The following ATP11B variants were observed in gnomAD, a reference collection of about 807,000 sequenced individuals.
The protein encoded by ATP11B is ATPase phospholipid transporting 11B (putative), also known as phospholipid-transporting ATPase IF.
Under a neutral mutation model 157.8 loss-of-function variants are expected in ATP11B, and 81 were observed. The observed-to-expected ratio is 0.51, with a 90% confidence interval of 0.43 to 0.62. The LOEUF (loss-of-function observed/expected upper bound fraction) is 0.62. Ranked by LOEUF, ATP11B falls within the 20% of genes least tolerant of loss-of-function variation. ATP11B has a pLI of 0.00. For missense variants in ATP11B, 1,165 were observed against 1,402.2 expected (o/e 0.83, Z 2.70); for synonymous variants, 451 against 469.4 (o/e 0.96, Z 0.51).
chr3:182,815,075 T>C (rs979164260), intron 1 of ATP11B, among the ~76,000 whole-genome samples: 1 of 152,130 alleles, frequency 6.6e-6, no homozygotes, highest in African/African-American at 2.4e-5. Context: ...GATTTGAGAA[T>C]TTTTGAGTTA....
At chr3:182,915,459 G>T in intron 29 of ATP11B, 1 of 985,076 alleles carries the variant, frequency 1.0e-6, no homozygotes, top group Non-Finnish European at 1.2e-6. Flanking sequence ...TTCCCAAAGA[G>T]CTTGATTTAT....
intron 2 of ATP11B, 96 bp downstream of exon 2, chr3:182,820,472 C>A: frequency 1.2e-6 from 1 of 850,490 alleles, no homozygotes; most frequent in Non-Finnish European, 1.9e-6. Context: ...TCGGTTAAGC[C>A]CAGGAGTTTG....
chr3:182,873,219 TCA>T (rs1294203210), intron 18 of ATP11B, among the ~76,000 whole-genome samples: 2 of 152,248 alleles, frequency 1.3e-5, no homozygotes, highest in Admixed American at 6.5e-5. Flanking sequence ...AATGTCTGTT[TCA>T]CAGTTTCTTA....
chr3:182,798,227 A>G (rs1319719406), intron 1 of ATP11B, among the ~76,000 whole-genome samples: 2 of 152,234 alleles, frequency 1.3e-5, no homozygotes, highest in Admixed American at 1.3e-4. Context: ...TTAGGATAAG[A>G]ACCATATCTT....
chr3:182,902,522 A>C (rs1010392661), intron 28 of ATP11B: 5 of 1,289,628 alleles, frequency 3.9e-6, no homozygotes, highest in Non-Finnish European at 5.1e-6. Context: ...AGTTCATCGC[A>C]CTGCAGCCAT....
At chr3:182,828,090 A>G (rs769984061) in intron 2 of ATP11B, 30 bp from the exon 3 acceptor site, 4 of 1,057,506 alleles carry the variant, frequency 3.8e-6, no homozygotes, top group Middle Eastern at 3.2e-4. Context: ...TTATTTTTAA[A>G]TATTAATTTA....
intron 1 of ATP11B, among the ~76,000 whole-genome samples, chr3:182,804,428 G>C (rs948914403): frequency 3.3e-5 from 5 of 151,890 alleles, no homozygotes; most frequent in Admixed American, 1.3e-4. Context: ...TGTGTTTTTA[G>C]CAGAGACGGG....
chr3:182,902,341 A>G (rs1724024483), intron 28 of ATP11B: 3 of 253,058 alleles, frequency 1.2e-5, no homozygotes, highest in Non-Finnish European at 2.4e-5. Flanking sequence ...AATGTTAGTC[A>G]TGTATGTGTA....
chr3:182,869,856 A>T (rs77719347), intron 17 of ATP11B, among the ~76,000 whole-genome samples: 1 of 152,368 alleles, frequency 6.6e-6, no homozygotes, highest in East Asian at 1.9e-4. Flanking sequence ...GGAAAACCCC[A>T]AATGTCCAGC....
intron 1 of ATP11B, among the ~76,000 whole-genome samples, chr3:182,813,236 A>T (rs1442330204): frequency 1.3e-5 from 2 of 152,180 alleles, no homozygotes; most frequent in African/African-American, 4.8e-5. Context: ...TATACCCAGA[A>T]GTAGAATTGC....
intron 1 of ATP11B, among the ~76,000 whole-genome samples, chr3:182,813,354 T>C (rs556973467): frequency 6.6e-6 from 1 of 152,352 alleles, no homozygotes; most frequent in African/African-American, 2.4e-5. Context: ...AGGGTTCCAG[T>C]TTCTCCACAT....
chr3:182,824,976 G>T (rs1717617993), intron 2 of ATP11B, among the ~76,000 whole-genome samples: 2 of 152,200 alleles, frequency 1.3e-5, no homozygotes, highest in African/African-American at 4.8e-5. Flanking sequence ...TTTCAAGAAT[G>T]TAAATATTTA....
At chr3:182,867,217 C>T (rs550436467) in intron 14 of ATP11B, among the ~76,000 whole-genome samples, 159 bp from the exon 15 acceptor site, 1 of 152,094 alleles carries the variant, frequency 6.6e-6, no homozygotes, top group Non-Finnish European at 1.5e-5. Flanking sequence ...GCATGAGCCA[C>T]CACTCCTGGC....
At chr3:182,823,687 T>C (rs1185615050) in intron 2 of ATP11B, among the ~76,000 whole-genome samples, 3 of 152,298 alleles carry the variant, frequency 2.0e-5, no homozygotes, top group East Asian at 1.9e-4. Flanking sequence ...TGGCATTAAA[T>C]GTATAAATTA....
At chr3:182,818,045 G>A (rs375791926) in intron 1 of ATP11B, among the ~76,000 whole-genome samples, 2 of 152,008 alleles carry the variant, frequency 1.3e-5, no homozygotes, top group Admixed American at 6.6e-5. Flanking sequence ...CTGTTTTAAC[G>A]GGCTCTTAAA....
intron 4 of ATP11B, chr3:182,833,606 G>A (rs1047774607): frequency 6.6e-6 from 1 of 152,132 alleles, no homozygotes; most frequent in African/African-American, 2.4e-5. Context: ...TGTAATTACA[G>A]GCTTGAGTCA....
intron 1 of ATP11B, among the ~76,000 whole-genome samples, chr3:182,814,287 A>G (rs1263080400): frequency 1.3e-5 from 2 of 151,320 alleles, no homozygotes; most frequent in African/African-American, 4.9e-5. Context: ...CTGGTCTCGA[A>G]CTCCTGACCT....
At chr3:182,883,055 A>G (rs886262435) in intron 21 of ATP11B, among the ~76,000 whole-genome samples, 1 of 152,230 alleles carries the variant, frequency 6.6e-6, no homozygotes, top group Admixed American at 6.5e-5. Flanking sequence ...ATCTTATACA[A>G]TGTTAGTAGG....
Position 182,918,861 on chromosome 3 carries a change from A to AGTGGGT in ATP11B, c.*757_*758insGTGGGT, listed in dbSNP as rs1725296582. The AGTGGGT allele has an allele frequency of 6.6e-6, 1 of 152,640 alleles. No individual in the cohort carries two copies. Among genetic ancestry groups the AGTGGGT allele is most frequent in the African/African-American group, 2.4e-5 (1 of 41,480 alleles). The allele number at this position is 152,640 out of a possible 1,614,324, so 9.5% of individuals were successfully genotyped here. On this transcript the variant is annotated 3_prime_UTR_variant, in exon 30 of 30. Coordinates refer to ENST00000323116, the MANE Select transcript of ATP11B (RefSeq NM_014616.3). ...TACTAATATTTTTGTGACAGAGTAT[A>AGTGGGT]AAGACCCTATAGTGGGTAAATTAGA...
Sources: allele counts gnomAD v4.1 joint callset (sites outside exome capture counted in the v4.1 genomes callset), GRCh38; gene constraint gnomAD v4.1.1; transcripts MANE v1.5; gene names NCBI Gene and HGNC (gene_info 2026-07-23, HGNC 2026-07-21).